AIG1: variants seen among roughly 807,000 people sequenced by gnomAD.
The protein encoded by AIG1 is androgen induced 1, also known as androgen-induced gene 1 protein.
In AIG1, 23 loss-of-function variants were observed where a neutral mutation model predicts 31.4. That is an observed-to-expected ratio of 0.73 (90% CI 0.53 to 1.04). AIG1 has a LOEUF of 1.04. Among genes scored for constraint, AIG1 ranks in the 50% least tolerant of loss-of-function variants. The probability of loss-of-function intolerance (pLI) is 0.00; values close to 1 mark genes in which losing one functional copy is unlikely to be tolerated. For synonymous variants in AIG1, 100 were observed against 110.5 expected, an observed-to-expected ratio of 0.90 and a Z score of 0.60; for missense variants, 274 against 295.0, an observed-to-expected ratio of 0.93 and a Z score of 0.52.
Position 143,325,853 on chromosome 6 carries a change from C to T in AIG1, c.516-7429C>T, listed in dbSNP as rs1303481795. On this transcript the variant is annotated intron_variant, in intron 4 of 5. Transcript: ENST00000357847. This position sits in a 1 kb window ranked among gnomAD's most constrained non-coding sequence, Gnocchi z 4.3. ...TGAGTTACTGACAAATGTTTAACAA[C>T]CAGCTAGGTCTTCTGGAGGCAAGGG... Among the ~76,000 whole-genome samples the T allele has an allele frequency of 1.3e-5, 2 of 152,148 alleles. No homozygotes were observed. Among genetic ancestry groups the T allele is most frequent in the African/African-American group, 4.8e-5 (2 of 41,434 alleles).
intron 2 of AIG1, among the ~76,000 whole-genome samples, chr6:143,145,184 G>A (rs911710239): frequency 7.2e-5 from 11 of 151,970 alleles, no homozygotes; most frequent in Non-Finnish European, 1.0e-4. Context: ...GCCACCATGC[G>A]TGGCTAATTT....
At chr6:143,238,584 A>G (rs1175467083) in intron 3 of AIG1, among the ~76,000 whole-genome samples, 1 of 152,170 alleles carries the variant, frequency 6.6e-6, no homozygotes, top group Non-Finnish European at 1.5e-5. Context: ...GATCTCTACC[A>G]GCTTAAAAAA....
At chr6:143,174,377 C>T (rs930149317) in intron 3 of AIG1, among the ~76,000 whole-genome samples, 4 of 149,932 alleles carry the variant, frequency 2.7e-5, no homozygotes, top group African/African-American at 9.8e-5. Flanking sequence ...ATCCCGGCTA[C>T]TTGGGAGGCT....
chr6:143,120,538 A>G (rs1353623941), intron 1 of AIG1, among the ~76,000 whole-genome samples: 1 of 152,102 alleles, frequency 6.6e-6, no homozygotes, highest in East Asian at 1.9e-4. Flanking sequence ...ACTCCCCTTT[A>G]TAAAACCATC....
rs1472745178 is a variant in AIG1 at position 143,333,452 on chromosome 6, A to G, written c.679+7A>G. The G allele has an allele frequency of 5.6e-6, 9 of 1,612,554 alleles. No individual in the cohort carries two copies. The highest frequency in any genetic ancestry group is 7.6e-6 in the Non-Finnish European group (9 of 1,179,426). ...ATCTGGGATACACAGAAAAGTAAGTATTGTCTGAGGGAACATAAAACAAGA... is the reference window on the plus strand; with the variant it reads ...ATCTGGGATACACAGAAAAGTAAGTGTTGTCTGAGGGAACATAAAACAAGA... On this transcript the variant is annotated splice_region_variant and intron_variant, in intron 5 of 5. Transcript: ENST00000357847. The surrounding 1 kb of genome is among the most constrained non-coding windows in gnomAD (Gnocchi z 4.6).
intron 3 of AIG1, among the ~76,000 whole-genome samples, chr6:143,166,749 T>G (rs1786993670): frequency 6.6e-6 from 1 of 152,224 alleles, no homozygotes; most frequent in Non-Finnish European, 1.5e-5. Flanking sequence ...TGCCAGGCAC[T>G]CTACAGTGAT....
At chr6:143,332,664 T>C (rs893447367) in intron 4 of AIG1, among the ~76,000 whole-genome samples, 1 of 152,238 alleles carries the variant, frequency 6.6e-6, no homozygotes, top group South Asian at 2.1e-4. Context: ...CTAGGTCTTA[T>C]TCTCCTGTGG....
At chr6:143,249,743 G>A (rs1794876186) in intron 3 of AIG1, among the ~76,000 whole-genome samples, 2 of 152,022 alleles carry the variant, frequency 1.3e-5, no homozygotes, top group Non-Finnish European at 2.9e-5. Flanking sequence ...TGTGTCTTTT[G>A]CTTCAACCCC....
At chr6:143,303,268 G>T (rs1326511728) in intron 4 of AIG1, among the ~76,000 whole-genome samples, 1 of 151,398 alleles carries the variant, frequency 6.6e-6, no homozygotes, top group Non-Finnish European at 1.5e-5. Context: ...TGTTGCCATT[G>T]CTTTTGGTGT....
intron 1 of AIG1, among the ~76,000 whole-genome samples, chr6:143,113,111 C>T (rs1045924900): frequency 6.6e-6 from 1 of 150,504 alleles, no homozygotes; most frequent in South Asian, 2.1e-4. Context: ...TGGCTTGAGC[C>T]TAGGAGGTTG....
At position 143,258,418 on chromosome 6, in the gene AIG1, AT is replaced by A. The variant is rs1210255228; in HGVS notation, c.400-25689del. ...GATTGTATGTGATTCCAATGCAAAA[AT>A]TTCTTCTTAGCCACTGCTAACACTA... On this transcript the variant is annotated intron_variant, in intron 3 of 5. Coordinates refer to ENST00000357847, the MANE Select transcript of AIG1 (RefSeq NM_016108.4). The surrounding 1 kb of genome is among the most constrained non-coding windows in gnomAD (Gnocchi z 4.7). 1.3e-5 allele frequency among the ~76,000 whole-genome samples: 2 copies of A among 152,192 alleles called. No individual in the cohort carries two copies. The highest frequency in any genetic ancestry group is 3.8e-4 in the East Asian group (2 of 5,202).
chr6:143,227,564 T>C (rs1231344121), intron 3 of AIG1, among the ~76,000 whole-genome samples: 2 of 152,130 alleles, frequency 1.3e-5, no homozygotes, highest in African/African-American at 2.4e-5. Context: ...GGGCCTAAAA[T>C]ATTCCAATAA....
At chr6:143,335,057 A>T in intron 5 of AIG1, 1 of 1,431,858 alleles carries the variant, frequency 7.0e-7, no homozygotes, top group Non-Finnish European at 9.2e-7. Context: ...TTAGATATGA[A>T]AATTAAGTTT....
chr6:143,144,603 G>A (rs537085471), intron 2 of AIG1, among the ~76,000 whole-genome samples: 1 of 152,256 alleles, frequency 6.6e-6, no homozygotes, highest in Non-Finnish European at 1.5e-5. Context: ...GTATTCAGTT[G>A]CAAGTAAGAG....
intron 1 of AIG1, among the ~76,000 whole-genome samples, chr6:143,095,231 C>A (rs1338470548): frequency 6.6e-6 from 1 of 151,562 alleles, no homozygotes; most frequent in Non-Finnish European, 1.5e-5. Flanking sequence ...ACTTCAGTAA[C>A]AATTATTGAT....
chr6:143,091,150 A>G (rs1490914953), intron 1 of AIG1, among the ~76,000 whole-genome samples: 1 of 151,908 alleles, frequency 6.6e-6, no homozygotes, highest in Non-Finnish European at 1.5e-5. Context: ...ATATCTTCAG[A>G]CTCCACTTTT....
At position 143,223,997 on chromosome 6, in the gene AIG1, C is replaced by G. The variant is rs190597002; in HGVS notation, c.399+58814C>G. ...GCCCTCATAAGACCTCCTCCTCCTC[C>G]CGAACGTCTCCTGCCTGCCCTGCCT... On this transcript the variant is annotated intron_variant, in intron 3 of 5. Transcript: ENST00000357847. Among the ~76,000 whole-genome samples the G allele has an allele frequency of 1.1e-3, 164 of 152,242 alleles. 2 individuals carry two copies. The East Asian group carries it at 0.025, about 23-fold the overall frequency.
intron 1 of AIG1, among the ~76,000 whole-genome samples, chr6:143,100,312 T>G (rs966380103): frequency 6.6e-6 from 1 of 152,218 alleles, no homozygotes; most frequent in Non-Finnish European, 1.5e-5. Flanking sequence ...CTAGGTTGTT[T>G]CCTTTGATTT....
At chr6:143,216,268 C>A (rs1792020212) in intron 3 of AIG1, among the ~76,000 whole-genome samples, 1 of 152,126 alleles carries the variant, frequency 6.6e-6, no homozygotes, top group African/African-American at 2.4e-5. Context: ...ATTATTAAGA[C>A]CGGATGATCG....
Sources: gnomAD v4.1 joint callset for allele counts (sites outside exome capture counted in the v4.1 genomes callset) on GRCh38, gnomAD v4.1.1 for gene constraint, Gnocchi (gnomAD v3.1) non-coding constraint, MANE v1.5 for transcripts, NCBI Gene and HGNC (gene_info 2026-07-23, HGNC 2026-07-21) for gene names.